Variants in LUZP2 observed in about 807,000 individuals in gnomAD.
LUZP2 encodes the protein leucine zipper protein 2.
A neutral mutation model predicts 51.6 loss-of-function variants in LUZP2; 52 were observed. The observed-to-expected ratio is 1.01, with a 90% CI of 0.81 to 1.27. LUZP2 has a LOEUF of 1.27. LUZP2 is among the 50% of genes most tolerant of loss of function. The probability of loss-of-function intolerance (pLI) is 0.00; values close to 1 mark genes in which losing one functional copy is unlikely to be tolerated. For missense variants in LUZP2, 436 were observed against 395.4 expected (o/e 1.10, Z -0.87); for synonymous variants, 154 against 137.3 (o/e 1.12, Z -0.85).
chr11:24,985,324 T>C (rs1199454891), intron 9 of LUZP2, among the ~76,000 whole-genome samples: 3 of 151,714 alleles, frequency 2.0e-5, no homozygotes, highest in African/African-American at 7.3e-5. Context: ...GTTTTCTAGA[T>C]ACCTGGATAC....
At chr11:24,914,361 G>T in intron 6 of LUZP2, 115 bp from the exon 7 acceptor site, 1 of 749,768 alleles carries the variant, frequency 1.3e-6, no homozygotes, top group Non-Finnish European at 2.3e-6. Flanking sequence ...TAAACTGGTT[G>T]GACTGTGCTT....
rs903111230 is a variant in LUZP2, at chr11:25,082,602, A to T, written c.*3944A>T. The T allele has an allele frequency of 1.4e-4, 21 of 152,198 alleles. No individual in the cohort carries two copies. The highest frequency in any genetic ancestry group is 2.4e-4 in the Non-Finnish European group (16 of 68,020). 9.4% of individuals were successfully genotyped at this position (152,198 alleles called of 1,614,324 possible). The stretch of plus-strand genomic sequence containing the variant: ...GATGAAGAATAAAAGATGCTGAAAG[A>T]TGGCCTATTTTTGTTCAATAAAGAT... On this transcript the variant is annotated 3_prime_UTR_variant, in exon 12 of 12. Coordinates refer to ENST00000336930, the MANE Select transcript of LUZP2 (RefSeq NM_001009909.4).
intron 7 of LUZP2, among the ~76,000 whole-genome samples, chr11:24,959,030 G>C (rs975668890): frequency 6.6e-6 from 1 of 152,104 alleles, no homozygotes; most frequent in African/African-American, 2.4e-5. Flanking sequence ...CCCATTGCTT[G>C]TTTTTCTCAG....
chr11:24,639,539 C>G (rs899097931), intron 1 of LUZP2, among the ~76,000 whole-genome samples: 2 of 151,750 alleles, frequency 1.3e-5, no homozygotes, highest in African/African-American at 2.4e-5. Context: ...GCAACCTCCG[C>G]CTCCTGGGTT....
chr11:24,842,133 AAT>A (rs1430566509), intron 5 of LUZP2, among the ~76,000 whole-genome samples: 1 of 150,936 alleles, frequency 6.6e-6, no homozygotes, highest in Non-Finnish European at 1.5e-5. Flanking sequence ...GCAATATATT[AAT>A]ATTAGACAAT....
At chr11:24,979,455 T>C (rs1384703992) in intron 8 of LUZP2, among the ~76,000 whole-genome samples, 1 of 151,884 alleles carries the variant, frequency 6.6e-6, no homozygotes, top group Non-Finnish European at 1.5e-5. Flanking sequence ...ATGAGGCTTT[T>C]AAAATACTAT....
rs556870641 is a variant in LUZP2 at position 24,611,630 on chromosome 11, A to G, written c.62+114325A>G. 3.9e-5 allele frequency among the ~76,000 whole-genome samples: 6 copies of G among 152,262 alleles called. No individual in the cohort carries two copies. The East Asian group carries it at 1.2e-3, about 29-fold the overall frequency. On this transcript the variant is annotated intron_variant, in intron 1 of 11. Transcript: ENST00000336930. The surrounding 1 kb of genome is among the most constrained non-coding windows in gnomAD (Gnocchi z 4.6). The stretch of plus-strand genomic sequence containing the variant: ...GACTATGGAGATGGTTTTCTTCATC[A>G]TAATCATTCATCGTCATCATCATCA...
intron 5 of LUZP2, among the ~76,000 whole-genome samples, chr11:24,765,869 G>A (rs10834480): frequency 3.0e-4 from 46 of 151,922 alleles, no homozygotes; most frequent in African/African-American, 8.2e-4. Flanking sequence ...CTGGTGATCC[G>A]CCTGCCTAGG....
In LUZP2 at chr11:24,515,216, G is replaced by A. The variant is rs1402562021; in HGVS notation, c.62+17911G>A. Among the ~76,000 whole-genome samples the A allele has an allele frequency of 2.0e-5, 3 of 152,074 alleles. No homozygotes were observed. In the South Asian group the frequency reaches 6.2e-4, roughly 31 times the overall value. On this transcript the variant is annotated intron_variant, in intron 1 of 11. Transcript: ENST00000336930. ...TTTTCCTGAGGCAGATTATAAAACC[G>A]TATACTGTGCCTAGCATGTGTGAGG...
intron 10 of LUZP2, among the ~76,000 whole-genome samples, chr11:25,060,262 A>G (rs1858798853): frequency 1.3e-5 from 2 of 152,186 alleles, no homozygotes; most frequent in South Asian, 4.1e-4. Flanking sequence ...CATTCAAGGC[A>G]CTGACAGATT....
intron 1 of LUZP2, among the ~76,000 whole-genome samples, chr11:24,669,404 G>A (rs1044534720): frequency 5.9e-5 from 9 of 152,006 alleles, no homozygotes; most frequent in East Asian, 3.8e-4. Flanking sequence ...TGGGCCTGCC[G>A]AATGCTTTCC....
chr11:24,731,069 T>C (rs374186515), intron 2 of LUZP2, among the ~76,000 whole-genome samples: 8 of 151,824 alleles, frequency 5.3e-5, no homozygotes, highest in African/African-American at 1.7e-4. Context: ...GTTTATTGAT[T>C]GCTTCCCAAT....
At chr11:24,873,662 G>T (rs1387511066) in intron 5 of LUZP2, among the ~76,000 whole-genome samples, 4 of 140,618 alleles carry the variant, frequency 2.8e-5, no homozygotes, top group Non-Finnish European at 1.6e-5. Context: ...GAATACTTGA[G>T]GCCATGCTCT....
intron 1 of LUZP2, among the ~76,000 whole-genome samples, chr11:24,636,576 A>G (rs1359688929): frequency 6.6e-6 from 1 of 152,212 alleles, no homozygotes; most frequent in Non-Finnish European, 1.5e-5. Context: ...TGACCACCAC[A>G]GGGTGTTATT....
rs182092153 is a variant in LUZP2 at position 24,626,015 on chromosome 11, C to A, written c.63-103154C>A. ...TTTGTAATATAAGGGCTGCCACTTA[C>A]TAACTTTTTAACCTTAAATAATTTA... On this transcript the variant is annotated intron_variant, in intron 1 of 11. Transcript: ENST00000336930. Among the ~76,000 whole-genome samples, 258 of 152,214 alleles carry A rather than the reference C, an allele frequency of 1.7e-3. 2 individuals carry two copies. Among genetic ancestry groups the A allele is most frequent in the Non-Finnish European group, 1.7e-3 (113 of 68,008 alleles).
At chr11:24,859,597 C>T (rs188717270) in intron 5 of LUZP2, among the ~76,000 whole-genome samples, 17 of 152,174 alleles carry the variant, frequency 1.1e-4, no homozygotes, top group African/African-American at 1.7e-4. Flanking sequence ...AGGCTTCCAT[C>T]GAAAAAACCA....
At chr11:24,654,873 TA>T (rs1855754568) in intron 1 of LUZP2, among the ~76,000 whole-genome samples, 1 of 151,926 alleles carries the variant, frequency 6.6e-6, no homozygotes, top group African/African-American at 2.4e-5. Context: ...GTTGAGAATT[TA>T]GTGGAAAGAT....
intron 6 of LUZP2, among the ~76,000 whole-genome samples, chr11:24,912,925 G>A (rs1853682400): frequency 6.6e-6 from 1 of 152,126 alleles, no homozygotes; most frequent in African/African-American, 2.4e-5. Context: ...CTACCATATA[G>A]GCAGACATTC....
intron 10 of LUZP2, among the ~76,000 whole-genome samples, chr11:25,076,512 G>C (rs1431221784): frequency 2.6e-5 from 4 of 151,052 alleles, no homozygotes; most frequent in African/African-American, 9.8e-5. Flanking sequence ...AGGAGGAAAA[G>C]TATCAGTAAG....
Sources: allele counts gnomAD v4.1 joint callset (sites outside exome capture counted in the v4.1 genomes callset), GRCh38; gene constraint gnomAD v4.1.1; non-coding constraint Gnocchi (gnomAD v3.1); transcripts MANE v1.5; gene names NCBI Gene and HGNC (gene_info 2026-07-23, HGNC 2026-07-21).